DDTL: variants seen among roughly 807,000 people sequenced by gnomAD.
The protein encoded by DDTL is D-dopachrome tautomerase like.
A neutral mutation model predicts 1.1 loss-of-function variants in DDTL; 1 was observed. The ratio of observed to expected loss-of-function variants is 0.91; its 90% confidence interval spans 0.32 to 4.31. DDTL has a LOEUF of 4.31. DDTL is among the 30% of genes most tolerant of loss of function. DDTL has a pLI of 0.17. For synonymous variants in DDTL, 21 were observed against 16.6 expected, an observed-to-expected ratio of 1.26 and a Z score of -0.64; for missense variants, 54 against 48.9, an observed-to-expected ratio of 1.10 and a Z score of -0.31.
rs558889428 is a variant in DDTL at position 23,970,324 on chromosome 22, CTG to C, written c.285-958_285-957del. 7.2e-5 allele frequency among the ~76,000 whole-genome samples: 11 copies of C among 152,148 alleles called. No individual in the cohort carries two copies. The South Asian group carries it at 1.7e-3, about 23-fold the overall frequency. Reference sequence around the variant, plus strand: ...TGTATATGTGTGTGATGTGAGTGAACTGTGTACATGGGTGTATACGTGAATTT... The same window carrying C: ...TGTATATGTGTGTGATGTGAGTGAACTGTACATGGGTGTATACGTGAATTT... On this transcript the variant is annotated intron_variant, in intron 2 of 2. Transcript: ENST00000215770.
At chr22:23,970,657 ATATG>A (rs1206046605) in intron 2 of DDTL, among the ~76,000 whole-genome samples, 8 of 152,070 alleles carry the variant, frequency 5.3e-5, no homozygotes, top group East Asian at 1.9e-4. Flanking sequence ...GTATGATTGT[ATATG>A]TGTGTGAATG....
chr22:23,971,292 T>C lies in DDTL; in HGVS notation c.291T>C (p.Pro97=). The change falls in exon 3 of 3, where the codon CCT becomes CCC. Residue 97 remains proline, a synonymous_variant. Transcript: ENST00000215770. ...KELALGQDRF[P]TVLSTSPAAH... ...CTAAATCATCCCCCTCCAGGTTCCC[T>C]ACGGTCTTATCCACCAGCCCTGCTG... 3 of 1,612,498 alleles carry C rather than the reference T, an allele frequency of 1.9e-6. No individual in the cohort carries two copies. Among genetic ancestry groups the C allele is most frequent in the Non-Finnish European group, 2.5e-6 (3 of 1,179,384 alleles).
chr22:23,970,650 T>C (rs1476261642), intron 2 of DDTL, among the ~76,000 whole-genome samples: 1 of 152,130 alleles, frequency 6.6e-6, no homozygotes, highest in Non-Finnish European at 1.5e-5. Flanking sequence ...GTAAATGGTA[T>C]GATTGTATAT....
intron 2 of DDTL, among the ~76,000 whole-genome samples, chr22:23,970,467 T>C (rs2033880886): frequency 6.6e-6 from 1 of 152,026 alleles, no homozygotes; most frequent in African/African-American, 2.4e-5. Flanking sequence ...TATGTGTGTG[T>C]GTGAGTGAAC....
chr22:23,969,382 TAGG>T (rs1202074441), intron 2 of DDTL: 21 of 984,268 alleles, frequency 2.1e-5, no homozygotes, highest in South Asian at 9.4e-5. Flanking sequence ...AGTCTGCAAT[TAGG>T]AGGAGGCAGA....
Position 23,971,446 on chromosome 22 carries a change from T to G in DDTL, c.*40T>G. 6.2e-7 allele frequency: 1 copy of G among 1,608,694 alleles called. No homozygotes were observed. Among genetic ancestry groups the G allele is most frequent in the Non-Finnish European group, 8.5e-7 (1 of 1,176,570 alleles). Reference sequence around the variant, plus strand: ...ATTATGTGATCACAGGAATGTTGCATGCGGGATAATCCAAAGCTGGTTATC... The same window carrying G: ...ATTATGTGATCACAGGAATGTTGCAGGCGGGATAATCCAAAGCTGGTTATC... On this transcript the variant is annotated 3_prime_UTR_variant, in exon 3 of 3. Coordinates refer to ENST00000215770, the MANE Select transcript of DDTL (RefSeq NM_001084393.2).
chr22:23,971,770 G>A lies in DDTL; in HGVS notation c.*364G>A. ...TTGCAAACCTGCTCATCCCAATAAT[G>A]ATTTTCCCCAACCCCCAGCAGGGCA... On this transcript the variant is annotated 3_prime_UTR_variant, in exon 3 of 3. Coordinates refer to ENST00000215770, the MANE Select transcript of DDTL (RefSeq NM_001084393.2). 1 of 695,486 alleles carries A rather than the reference G, an allele frequency of 1.4e-6. No individual in the cohort carries two copies. The highest frequency in any genetic ancestry group is 2.4e-6 in the Non-Finnish European group (1 of 419,026). 43.1% of individuals were successfully genotyped at this position (695,486 alleles called of 1,614,324 possible).
Position 23,971,524 on chromosome 22 carries a change from A to G in DDTL, c.*118A>G. The G allele has an allele frequency of 2.5e-6, 4 of 1,613,092 alleles. No individual in the cohort carries two copies. Among genetic ancestry groups the G allele is most frequent in the Non-Finnish European group, 3.4e-6 (4 of 1,179,384 alleles). On this transcript the variant is annotated 3_prime_UTR_variant, in exon 3 of 3. Transcript: ENST00000215770. ...TCTCTGGAAGAAGCAGCCAGTTCAC[A>G]GATGCCCTGGATCCCTCCGTGCCCA...
In DDTL at chr22:23,971,629, G is replaced by A; in HGVS notation, c.*223G>A. On this transcript the variant is annotated 3_prime_UTR_variant, in exon 3 of 3. Coordinates refer to ENST00000215770, the MANE Select transcript of DDTL (RefSeq NM_001084393.2). ...GGAAAAAGCGGATAAGTATCCTTCA[G>A]GAGACAGAGAAAAAGATATCATCAG... 6.2e-7 allele frequency: 1 copy of A among 1,610,816 alleles called. No individual in the cohort carries two copies. Among genetic ancestry groups the A allele is most frequent in the Non-Finnish European group, 8.5e-7 (1 of 1,177,760 alleles).
At chr22:23,970,634 CTG>C (rs374471118) in intron 2 of DDTL, among the ~76,000 whole-genome samples, 37 of 152,072 alleles carry the variant, frequency 2.4e-4, no homozygotes, top group African/African-American at 4.3e-4. Context: ...CATGAGTTAA[CTG>C]TGTGTAAATG....
Position 23,971,802 on chromosome 22 carries a change from C to T in DDTL, c.*396C>T, listed in dbSNP as rs1157917502. 3 of 627,372 alleles carry T rather than the reference C, an allele frequency of 4.8e-6. No individual in the cohort carries two copies. Among genetic ancestry groups the T allele is most frequent in the Non-Finnish European group, 8.3e-6 (3 of 361,394 alleles). 38.9% of individuals were successfully genotyped at this position (627,372 alleles called of 1,614,324 possible). ...CCCAACCCCCAGCAGGGCAGTGGGACACTCAGGTGTGGGAGGTAGCCGCAC... is the reference window on the plus strand; with the variant it reads ...CCCAACCCCCAGCAGGGCAGTGGGATACTCAGGTGTGGGAGGTAGCCGCAC... On this transcript the variant is annotated 3_prime_UTR_variant, in exon 3 of 3. Coordinates refer to ENST00000215770, the MANE Select transcript of DDTL (RefSeq NM_001084393.2).
At chr22:23,971,263 C>A in intron 2 of DDTL, 23 bp from the exon 3 acceptor site, 1 of 1,597,364 alleles carries the variant, frequency 6.3e-7, no homozygotes, top group Non-Finnish European at 8.5e-7. Flanking sequence ...CAGATCTGAG[C>A]AGTCTAAATC....
chr22:23,971,449 G>C lies in DDTL; in HGVS notation c.*43G>C. ...ATGTGATCACAGGAATGTTGCATGCGGGATAATCCAAAGCTGGTTATCTCC... is the reference window on the plus strand; with the variant it reads ...ATGTGATCACAGGAATGTTGCATGCCGGATAATCCAAAGCTGGTTATCTCC... On this transcript the variant is annotated 3_prime_UTR_variant, in exon 3 of 3. Transcript: ENST00000215770. The C allele has an allele frequency of 1.2e-6, 2 of 1,607,718 alleles. No individual in the cohort carries two copies. Among genetic ancestry groups the C allele is most frequent in the Non-Finnish European group, 8.5e-7 (1 of 1,175,972 alleles).
rs771086922 is a variant in DDTL, at chr22:23,971,648, T to C, written c.*242T>C. On this transcript the variant is annotated 3_prime_UTR_variant, in exon 3 of 3. Transcript: ENST00000215770. ...CCTTCAGGAGACAGAGAAAAAGATA[T>C]CATCAGCTCCTTGGCTAATACCACA... is the stretch of plus-strand genomic sequence containing the variant. The C allele has an allele frequency of 5.4e-5, 87 of 1,597,008 alleles. No homozygotes were observed. The highest frequency in any genetic ancestry group is 7.0e-5 in the Non-Finnish European group (82 of 1,165,898).
chr22:23,971,215 T>C, intron 2 of DDTL, 71 bp from the exon 3 acceptor site: 2 of 1,540,288 alleles, frequency 1.3e-6, no homozygotes, highest in South Asian at 1.2e-5. Flanking sequence ...TGCAGATGGG[T>C]GTGGAGAGCA....
chr22:23,969,493 T>C (rs2033860793), intron 2 of DDTL: 1 of 985,946 alleles, frequency 1.0e-6, no homozygotes, highest in Admixed American at 6.1e-5. Context: ...GTCATGCTGA[T>C]GTGCAGCCAC....
At chr22:23,971,050 T>C (rs1261019333) in intron 2 of DDTL, among the ~76,000 whole-genome samples, 1 of 122,354 alleles carries the variant, frequency 8.2e-6, no homozygotes, top group Admixed American at 8.2e-5. Context: ...AAGGGGAGAG[T>C]GGCGTGGCAG....
rs2033913839 is a variant in DDTL, at chr22:23,971,950, G to C, written c.*544G>C. The C allele has an allele frequency of 8.1e-6, 2 of 245,734 alleles. No individual in the cohort carries two copies. The highest frequency in any genetic ancestry group is 4.5e-5 in the African/African-American group (2 of 44,340). 15.2% of individuals were successfully genotyped at this position (245,734 alleles called of 1,614,324 possible). A position where few individuals can be genotyped will look rare whatever the true frequency, so the allele number is the denominator to read the frequency against. ...TGCCTCCTAATTGCAGGCTCCCTAAGGGCACAGTACCTCAGCCACCTGTTT... is the reference window on the plus strand; with the variant it reads ...TGCCTCCTAATTGCAGGCTCCCTAACGGCACAGTACCTCAGCCACCTGTTT... On this transcript the variant is annotated 3_prime_UTR_variant, in exon 3 of 3. Coordinates refer to ENST00000215770, the MANE Select transcript of DDTL (RefSeq NM_001084393.2).
At chr22:23,969,544 G>A in intron 2 of DDTL, 2 of 985,522 alleles carry the variant, frequency 2.0e-6, no homozygotes, top group Non-Finnish European at 2.4e-6. Flanking sequence ...CTGGGGGTTG[G>A]GGAATGCTCA....
Sources: allele counts gnomAD v4.1 joint callset (sites outside exome capture counted in the v4.1 genomes callset), GRCh38; gene constraint gnomAD v4.1.1; transcripts MANE v1.5; gene names NCBI Gene and HGNC (gene_info 2026-07-23, HGNC 2026-07-21).